MEIOC: variants seen among roughly 807,000 people sequenced by gnomAD.
The protein encoded by MEIOC is meiosis-specific coiled-coil domain-containing protein MEIOC.
MEIOC carries 9 observed loss-of-function variants against 85.3 expected under a neutral mutation model. That is an observed-to-expected ratio of 0.11 (90% CI 0.06 to 0.18). The LOEUF (loss-of-function observed/expected upper bound fraction) is 0.18, where lower values mean the gene tolerates loss of function less well. Ranked by LOEUF, MEIOC falls within the 10% of genes least tolerant of loss-of-function variation. MEIOC has a pLI of 1.00. For synonymous variants in MEIOC, 365 were observed against 393.7 expected (o/e 0.93, Z 0.86); for missense variants, 898 against 1,129.4 (o/e 0.80, Z 2.94).
At position 44,668,153 on chromosome 17, in the gene MEIOC, A is replaced by G. The variant is rs1044390417; in HGVS notation, c.2242A>G (p.Ser748Gly). 3.7e-6 allele frequency: 6 copies of G among 1,613,916 alleles called. No individual in the cohort carries two copies. Among genetic ancestry groups the G allele is most frequent in the Non-Finnish European group, 4.2e-6 (5 of 1,179,902 alleles). ...ATTTCAAAGACCAATTAAAACCCGT[A>G]GTGGACCAGCCAGTGAACTTCATAT... is the stretch of plus-strand genomic sequence containing the variant. ...FGFQRPIKTR[S>G]GPASELHIRL... The change falls in exon 5 of 8, where the codon AGT (serine) becomes GGT (glycine). Residue 748 changes from serine (S) to glycine (G), a missense_variant. Physicochemically the swap from Ser to Gly is moderately conservative, Grantham distance 56 (BLOSUM62 0). Transcript: ENST00000409122.
chr17:44,660,862 G>A (rs1446965695), intron 2 of MEIOC, among the ~76,000 whole-genome samples: 6 of 151,944 alleles, frequency 3.9e-5, no homozygotes, highest in Non-Finnish European at 1.5e-5. Context: ...GGAGGCCAAG[G>A]CAGGAGGATC....
At chr17:44,673,683 CATT>C in intron 7 of MEIOC, 137 bp downstream of exon 7, 1 of 792,632 alleles carries the variant, frequency 1.3e-6, no homozygotes, top group Non-Finnish European at 1.9e-6. Context: ...ATAATCTCCA[CATT>C]ATTTACTCCA....
Position 44,656,485 on chromosome 17 carries a change from C to A in MEIOC, c.-129C>A. ...TTACCCGCACACTGGCTCCAGGCAG[C>A]GCCCGGGCGGCGGAGGCGGCTGCGG... On this transcript the variant is annotated 5_prime_UTR_variant, in exon 1 of 8. Coordinates refer to ENST00000409122, the MANE Select transcript of MEIOC (RefSeq NM_001145080.3). The A allele has an allele frequency of 1.4e-6, 1 of 707,620 alleles. No individual in the cohort carries two copies. The highest frequency in any genetic ancestry group is 2.1e-6 in the Non-Finnish European group (1 of 474,544). 43.8% of individuals were successfully genotyped at this position (707,620 alleles called of 1,614,324 possible). A position where few individuals can be genotyped will look rare whatever the true frequency, so the allele number is the denominator to read the frequency against.
Position 44,667,839 on chromosome 17 carries a change from A to T in MEIOC, c.1928A>T (p.His643Leu), listed in dbSNP as rs773445631. 4 of 1,613,996 alleles carry T rather than the reference A, an allele frequency of 2.5e-6. No homozygotes were observed. In the East Asian group the frequency reaches 8.9e-5, roughly 36 times the overall value. ...TYQDLLESQG[H>L]SNSHRTRGGD... ...CAAGATCTACTGGAGTCACAGGGTC[A>T]TTCTAATAGCCACAGAACGAGAGGT... The change falls in exon 5 of 8, where the codon CAT (histidine) becomes CTT (leucine). Residue 643 changes from histidine (H) to leucine (L), a missense_variant. By Grantham distance (99) the His-to-Leu change is moderately conservative (BLOSUM62 -3). Coordinates refer to ENST00000409122, the MANE Select transcript of MEIOC (RefSeq NM_001145080.3).
In MEIOC at chr17:44,666,949, T is replaced by A. The variant is rs1022987747; in HGVS notation, c.1038T>A (p.Ser346Arg). 5 of 1,611,212 alleles carry A rather than the reference T, an allele frequency of 3.1e-6. No homozygotes were observed. The African/African-American group carries it at 6.7e-5, about 22-fold the overall frequency. The stretch of plus-strand genomic sequence containing the variant: ...AGCTTAATAAATGTTCAAATTTTAG[T>A]GTCCAAGATAGCAAAAAATTAGCCA... The part of the protein sequence containing the change: ...KAKLNKCSNF[S>R]VQDSKKLANG... The change falls in exon 5 of 8, where the codon AGT becomes AGA. Residue 346 changes from serine (S) to arginine (R), a missense_variant. Physicochemically the swap from Ser to Arg is moderately radical, Grantham distance 110. Coordinates refer to ENST00000409122, the MANE Select transcript of MEIOC (RefSeq NM_001145080.3).
In MEIOC at chr17:44,663,268, T is replaced by TTGATGATGATGA. The variant is rs10638687; in HGVS notation, c.359+825_359+836dup. Among the ~76,000 whole-genome samples, 142 of 147,990 alleles carry TTGATGATGATGA rather than the reference T, an allele frequency of 9.6e-4. 1 individual carries two copies. The highest frequency in any genetic ancestry group is 4.0e-4 in the East Asian group (2 of 5,002). Reference sequence around the variant, plus strand: ...AAATATTATCCTTGCCTTTATAATCTTGATGATGATGATGATGATGATGAT... The same window carrying TTGATGATGATGA: ...AAATATTATCCTTGCCTTTATAATCTTGATGATGATGATGATGATGATGATGATGATGATGAT... On this transcript the variant is annotated intron_variant, in intron 3 of 7. Coordinates refer to ENST00000409122, the MANE Select transcript of MEIOC (RefSeq NM_001145080.3).
Position 44,668,919 on chromosome 17 carries a change from G to A in MEIOC, c.2323-464G>A, listed in dbSNP as rs1001655384. Among the ~76,000 whole-genome samples the A allele has an allele frequency of 3.3e-5, 5 of 152,052 alleles. No homozygotes were observed. In the East Asian group the frequency reaches 9.6e-4, roughly 29 times the overall value. ...TCAGGTATTTTATTTGTATTAAGAC[G>A]ATAGCTGGGCGCGGTGGCTCACGCC... On this transcript the variant is annotated intron_variant, in intron 5 of 7. Coordinates refer to ENST00000409122, the MANE Select transcript of MEIOC (RefSeq NM_001145080.3).
chr17:44,659,884 T>C (rs143485458), intron 2 of MEIOC, among the ~76,000 whole-genome samples: 3 of 152,190 alleles, frequency 2.0e-5, no homozygotes, highest in African/African-American at 7.2e-5. Flanking sequence ...AAAGGTAGTT[T>C]TTAGTTTTAG....
At position 44,673,584 on chromosome 17, in the gene MEIOC, G is replaced by A. The variant is rs948137831; in HGVS notation, c.2638+38G>A. On this transcript the variant is annotated intron_variant, in intron 7 of 7. Coordinates refer to ENST00000409122, the MANE Select transcript of MEIOC (RefSeq NM_001145080.3). ...ATGCATATTCTTGTGATAAGTCAGT[G>A]TGATAATTTAGGTATTGATAAAATC... 1.2e-5 allele frequency: 18 copies of A among 1,451,812 alleles called. No homozygotes were observed. In the African/African-American group the frequency reaches 2.3e-4, roughly 19 times the overall value. The allele number at this position is 1,451,812 out of a possible 1,614,324, so 89.9% of individuals were successfully genotyped here.
chr17:44,667,524 A>C lies in MEIOC; in HGVS notation c.1613A>C (p.Glu538Ala), dbSNP rs768512026. Residue 538 changes from glutamate to alanine, a missense_variant, in exon 5 of 8, where the codon GAA (glutamate) becomes GCA (alanine). Transcript: ENST00000409122. Reference sequence around the variant, plus strand: ...AATTTATTTCAGAAATATTGCCAAGAAAACCCTTCAGCATTTTCTAGTTTT... The same window carrying C: ...AATTTATTTCAGAAATATTGCCAAGCAAACCCTTCAGCATTTTCTAGTTTT... ...NSNLFQKYCQ[E>A]NPSAFSSFDF... 6.2e-7 allele frequency: 1 copy of C among 1,613,978 alleles called. No homozygotes were observed. The highest frequency in any genetic ancestry group is 1.1e-5 in the South Asian group (1 of 91,072).
intron 6 of MEIOC, 68 bp downstream of exon 6, chr17:44,669,585 C>T (rs1018187645): frequency 6.8e-6 from 10 of 1,480,050 alleles, no homozygotes; most frequent in Admixed American, 5.9e-5. Context: ...TCAGGCCAGG[C>T]GTGGTGGCTC....
chr17:44,674,225 A>C lies in MEIOC; in HGVS notation c.*29A>C, dbSNP rs779646245. On this transcript the variant is annotated 3_prime_UTR_variant, in exon 8 of 8. Coordinates refer to ENST00000409122, the MANE Select transcript of MEIOC (RefSeq NM_001145080.3). ...AATGCCAGCAGAAAGAAGAATAAAA[A>C]GCTGATAAATATACCAAGACATGCT... 78 of 1,533,154 alleles carry C rather than the reference A, an allele frequency of 5.1e-5. No individual in the cohort carries two copies. In the African/African-American group the frequency reaches 1.0e-3, roughly 20 times the overall value. 95.0% of individuals were successfully genotyped at this position (1,533,154 alleles called of 1,614,324 possible).
At chr17:44,672,059 C>T (rs1336174738) in intron 6 of MEIOC, among the ~76,000 whole-genome samples, 2 of 152,146 alleles carry the variant, frequency 1.3e-5, no homozygotes. Flanking sequence ...TGGCTCACTG[C>T]AACCTCTGCC....
At chr17:44,668,372 C>A in intron 5 of MEIOC, 139 bp downstream of exon 5, 1 of 814,952 alleles carries the variant, frequency 1.2e-6, no homozygotes, top group Non-Finnish European at 1.9e-6. Flanking sequence ...GACAGAGTCT[C>A]GCTCTGTTGC....
chr17:44,670,792 G>C (rs896681832), intron 6 of MEIOC: 1 of 151,372 alleles, frequency 6.6e-6, no homozygotes, highest in Non-Finnish European at 1.5e-5. Context: ...ACCTGCCTCA[G>C]CCTACCAAAG....
At position 44,667,276 on chromosome 17, in the gene MEIOC, T is replaced by C; in HGVS notation, c.1365T>C (p.Phe455=). Residue 455 remains phenylalanine (F), a synonymous_variant, in exon 5 of 8, where the codon TTT becomes TTC. Transcript: ENST00000409122. ...CTGATCCCCCACATTCTGAGTATTT[T>C]AAATCAGTGAATTTATTATCAAACT... ...AKPDPPHSEY[F]KSVNLLSNSA... The C allele has an allele frequency of 6.2e-7, 1 of 1,613,776 alleles. No individual in the cohort carries two copies. The highest frequency in any genetic ancestry group is 8.5e-7 in the Non-Finnish European group (1 of 1,179,836).
At chr17:44,663,188 G>A (rs1971861710) in intron 3 of MEIOC, among the ~76,000 whole-genome samples, 1 of 151,882 alleles carries the variant, frequency 6.6e-6, no homozygotes, top group African/African-American at 2.4e-5. Flanking sequence ...AAATAATAAG[G>A]GCCCCCTGTA....
intron 2 of MEIOC, among the ~76,000 whole-genome samples, chr17:44,661,288 CAAAAAAAAAA>C (rs1186351387): frequency 3.7e-5 from 2 of 54,220 alleles, no homozygotes; most frequent in African/African-American, 1.6e-4. Flanking sequence ...ACTCTTGTCT[CAAAAAAAAAA>C]AAAAAAAAAA....
At chr17:44,668,820 AAGT>A (rs1176420585) in intron 5 of MEIOC, among the ~76,000 whole-genome samples, 1 of 152,222 alleles carries the variant, frequency 6.6e-6, no homozygotes. Flanking sequence ...ACTTGCCCTG[AAGT>A]AGATTTTTTA....
Sources: gnomAD v4.1 joint callset for allele counts (sites outside exome capture counted in the v4.1 genomes callset) on GRCh38, gnomAD v4.1.1 for gene constraint, MANE v1.5 for transcripts, NCBI Gene and HGNC (gene_info 2026-07-23, HGNC 2026-07-21) for gene names.